Variants in PRKD1 observed in about 807,000 individuals in gnomAD.
PRKD1 encodes the protein serine/threonine-protein kinase D1.
In PRKD1, 63 loss-of-function variants were observed where a neutral mutation model predicts 95.9. The ratio of observed to expected loss-of-function variants is 0.66; its 90% confidence interval spans 0.54 to 0.81. PRKD1 has a LOEUF of 0.81. PRKD1 is among the 30% of genes least tolerant of loss of function. The pLI is 0.00. For synonymous variants in PRKD1, 425 were observed against 423.1 expected (o/e 1.00, Z -0.05); for missense variants, 1,048 against 1,165.3 (o/e 0.90, Z 1.47).
At chr14:29,579,822 T>C (rs982271047) in intron 16 of PRKD1, among the ~76,000 whole-genome samples, 9 of 152,222 alleles carry the variant, frequency 5.9e-5, no homozygotes, top group Non-Finnish European at 1.0e-4. Flanking sequence ...ACTCTTGCCT[T>C]ACCTAGGATA....
chr14:29,721,797 T>G (rs1885909338), intron 2 of PRKD1, among the ~76,000 whole-genome samples: 1 of 152,164 alleles, frequency 6.6e-6, no homozygotes, highest in Non-Finnish European at 1.5e-5. Flanking sequence ...GGTAGGGAAC[T>G]TTCATGCAGT....
At chr14:29,781,855 G>A (rs1346581340) in intron 1 of PRKD1, among the ~76,000 whole-genome samples, 1 of 152,102 alleles carries the variant, frequency 6.6e-6, no homozygotes, top group African/African-American at 2.4e-5. Context: ...GTATTTAAAC[G>A]GAGACAACAG....
chr14:29,583,722 T>C (rs1216468274), intron 16 of PRKD1, among the ~76,000 whole-genome samples: 1 of 152,196 alleles, frequency 6.6e-6, no homozygotes, highest in Non-Finnish European at 1.5e-5. Flanking sequence ...TAAACAATTG[T>C]ATGGTGTACA....
intron 1 of PRKD1, among the ~76,000 whole-genome samples, chr14:29,773,185 C>A (rs1462539044): frequency 6.6e-6 from 1 of 152,050 alleles, no homozygotes; most frequent in Non-Finnish European, 1.5e-5. Context: ...AAATGGCCGG[C>A]TGTGGTGACT....
At chr14:29,601,207 G>C (rs1893504844) in intron 13 of PRKD1, among the ~76,000 whole-genome samples, 1 of 152,198 alleles carries the variant, frequency 6.6e-6, no homozygotes, top group Non-Finnish European at 1.5e-5. Flanking sequence ...CATTGTTGTA[G>C]TTGTCCTCTC....
At chr14:29,777,306 A>G (rs908441909) in intron 1 of PRKD1, among the ~76,000 whole-genome samples, 2 of 152,226 alleles carry the variant, frequency 1.3e-5, no homozygotes, top group African/African-American at 4.8e-5. Context: ...TTAACCTTAA[A>G]TGTAAATGGG....
chr14:29,651,434 G>A (rs1265282560), intron 4 of PRKD1, among the ~76,000 whole-genome samples: 1 of 152,128 alleles, frequency 6.6e-6, no homozygotes, highest in Non-Finnish European at 1.5e-5. Context: ...CTCTTTTTGA[G>A]AAGGCAAGAA....
At chr14:29,589,001 T>A (rs1048183752) in intron 16 of PRKD1, among the ~76,000 whole-genome samples, 2 of 151,936 alleles carry the variant, frequency 1.3e-5, no homozygotes, top group African/African-American at 4.8e-5. Context: ...TCTGCAGGGG[T>A]CAGGGGCTCA....
rs539881855 is a variant in PRKD1 at position 29,916,604 on chromosome 14, T to A, written c.264+10645A>T. Among the ~76,000 whole-genome samples, 5 of 152,206 alleles carry A rather than the reference T, an allele frequency of 3.3e-5. No individual in the cohort carries two copies. The South Asian group carries it at 1.0e-3, about 32-fold the overall frequency. On this transcript the variant is annotated intron_variant, in intron 1 of 17. Coordinates refer to ENST00000331968, the MANE Select transcript of PRKD1 (RefSeq NM_002742.3). ...TACTGTTCTGAGGATCTAACAGCACTAACCAATCTCTAAATAACTGCGACT... is the reference window on the plus strand; with the variant it reads ...TACTGTTCTGAGGATCTAACAGCACAAACCAATCTCTAAATAACTGCGACT...
chr14:29,784,796 G>A (rs1889194826), intron 1 of PRKD1, among the ~76,000 whole-genome samples: 1 of 152,152 alleles, frequency 6.6e-6, no homozygotes, highest in Non-Finnish European at 1.5e-5. Flanking sequence ...TCTAACAATA[G>A]GCGTTATCAA....
At chr14:29,631,448 A>G (rs1361368782) in intron 9 of PRKD1, among the ~76,000 whole-genome samples, 1 of 152,144 alleles carries the variant, frequency 6.6e-6, no homozygotes, top group Admixed American at 6.5e-5. Context: ...GTAATAACAT[A>G]GCCAAGTGAA....
At chr14:29,673,306 A>C (rs1322290926) in intron 2 of PRKD1, among the ~76,000 whole-genome samples, 1 of 152,208 alleles carries the variant, frequency 6.6e-6, no homozygotes, top group Non-Finnish European at 1.5e-5. Context: ...CTCCATACTT[A>C]GTTGGCCAAG....
At chr14:29,734,502 G>C (rs1327002886) in intron 1 of PRKD1, among the ~76,000 whole-genome samples, 1 of 152,032 alleles carries the variant, frequency 6.6e-6, no homozygotes, top group Admixed American at 6.5e-5. Context: ...TTTAAGCTTT[G>C]TTAGGACAGC....
intron 13 of PRKD1, among the ~76,000 whole-genome samples, chr14:29,615,388 TG>T (rs1274129708): frequency 2.6e-5 from 4 of 152,236 alleles, no homozygotes; most frequent in Admixed American, 2.6e-4. Context: ...GAATTCTTTT[TG>T]AGTTCAAATG....
At chr14:29,744,006 C>G (rs919710997) in intron 1 of PRKD1, among the ~76,000 whole-genome samples, 9 of 152,164 alleles carry the variant, frequency 5.9e-5, no homozygotes, top group African/African-American at 2.2e-4. Context: ...TCAGGACTCA[C>G]TCTTCAGAAA....
chr14:29,870,934 G>C (rs988406241), intron 1 of PRKD1, among the ~76,000 whole-genome samples: 15 of 152,300 alleles, frequency 9.8e-5, no homozygotes, highest in Non-Finnish European at 2.1e-4. Context: ...TAAGCTATTA[G>C]AAGTAGTATA....
chr14:29,915,005 G>A (rs1012009443), intron 1 of PRKD1, among the ~76,000 whole-genome samples: 21 of 151,794 alleles, frequency 1.4e-4, no homozygotes, highest in African/African-American at 4.6e-4. Context: ...ATTACAGCAT[G>A]AGCCACCACG....
At chr14:29,619,767 T>C (rs1879121138) in intron 13 of PRKD1, among the ~76,000 whole-genome samples, 1 of 152,198 alleles carries the variant, frequency 6.6e-6, no homozygotes, top group African/African-American at 2.4e-5. Flanking sequence ...TTAACTTCAC[T>C]GTCTCAGGAT....
At chr14:29,619,709 T>G (rs1345070769) in intron 13 of PRKD1, among the ~76,000 whole-genome samples, 1 of 152,214 alleles carries the variant, frequency 6.6e-6, no homozygotes, top group Non-Finnish European at 1.5e-5. Flanking sequence ...GTAGTGCTCA[T>G]GTATCTGTAG....
Sources: allele counts gnomAD v4.1 joint callset (sites outside exome capture counted in the v4.1 genomes callset), GRCh38; gene constraint gnomAD v4.1.1; transcripts MANE v1.5; gene names NCBI Gene and HGNC (gene_info 2026-07-23, HGNC 2026-07-21).